The following RBMS3 variants were observed in gnomAD, a reference collection of about 807,000 sequenced individuals.
RBMS3 encodes RNA-binding motif, single-stranded-interacting protein 3.
In RBMS3, 27 loss-of-function variants were observed where a neutral mutation model predicts 66.8. That is an observed-to-expected ratio of 0.40 (90% CI 0.30 to 0.56). RBMS3 has a LOEUF of 0.56. Among genes scored for constraint, RBMS3 ranks in the 20% least tolerant of loss-of-function variants. RBMS3 has a pLI of 0.40. For synonymous variants in RBMS3, 188 were observed against 183.0 expected (o/e 1.03, Z -0.22); for missense variants, 513 against 549.5 (o/e 0.93, Z 0.66).
chr3:29,936,256 A>G, intron 11 of RBMS3, 60 bp downstream of exon 11: 2 of 1,420,992 alleles, frequency 1.4e-6, no homozygotes, highest in Non-Finnish European at 2.0e-6. Flanking sequence ...GATATTCTCC[A>G]TTTTTACTGG....
At position 29,400,713 on chromosome 3, in the gene RBMS3, G is replaced by A. The variant is rs147979974; in HGVS notation, c.76-34030G>A. ...GTGAAAATGGAAGTTGGAAATGACC[G>A]TGGGGATCAACAGGTTGAAAGGATC... On this transcript the variant is annotated intron_variant, in intron 1 of 14. Coordinates refer to ENST00000383767, the MANE Select transcript of RBMS3 (RefSeq NM_001003793.3). Among the ~76,000 whole-genome samples the A allele has an allele frequency of 8.2e-3, 1,253 of 152,160 alleles. 25 individuals carry two copies. The highest frequency in any genetic ancestry group is 0.027 in the African/African-American group (1,131 of 41,546).
intron 4 of RBMS3, among the ~76,000 whole-genome samples, chr3:29,601,605 A>G (rs2048146879): frequency 6.6e-6 from 1 of 152,038 alleles, no homozygotes; most frequent in South Asian, 2.1e-4. Context: ...AATATTGCCA[A>G]TAATCCTCGA....
intron 4 of RBMS3, among the ~76,000 whole-genome samples, chr3:29,726,487 T>C (rs1411078556): frequency 6.6e-6 from 1 of 152,176 alleles, no homozygotes; most frequent in Non-Finnish European, 1.5e-5. Context: ...AAACTCCTTA[T>C]GCTGATAAGC....
chr3:29,646,887 C>G (rs1372859532), intron 4 of RBMS3, among the ~76,000 whole-genome samples: 2 of 152,162 alleles, frequency 1.3e-5, no homozygotes, highest in Non-Finnish European at 2.9e-5. Context: ...AGTCAGCTAT[C>G]TTGCATATGT....
chr3:29,567,331 C>T (rs1029593048), intron 3 of RBMS3, among the ~76,000 whole-genome samples: 1 of 152,102 alleles, frequency 6.6e-6, no homozygotes, highest in African/African-American at 2.4e-5. Flanking sequence ...CTGTTCTTGG[C>T]ACTGGAGCCC....
At chr3:29,863,954 A>C (rs2059281788) in intron 6 of RBMS3, among the ~76,000 whole-genome samples, 1 of 152,190 alleles carries the variant, frequency 6.6e-6, no homozygotes, top group Non-Finnish European at 1.5e-5. Flanking sequence ...CAAATGTTTA[A>C]ATAAGGGAAT....
At chr3:29,721,837 C>G (rs2053655685) in intron 4 of RBMS3, among the ~76,000 whole-genome samples, 1 of 152,118 alleles carries the variant, frequency 6.6e-6, no homozygotes, top group Non-Finnish European at 1.5e-5. Flanking sequence ...TTACTATTGC[C>G]TATTGATGCC....
At chr3:29,756,901 T>C (rs1252023936) in intron 5 of RBMS3, among the ~76,000 whole-genome samples, 5 of 152,172 alleles carry the variant, frequency 3.3e-5, no homozygotes, top group African/African-American at 1.2e-4. Flanking sequence ...ACTACCCTCC[T>C]GGCATATATC....
chr3:29,857,233 G>T (rs1013782928), intron 6 of RBMS3, among the ~76,000 whole-genome samples: 5 of 152,202 alleles, frequency 3.3e-5, no homozygotes, highest in Admixed American at 3.3e-4. Context: ...AGGAAATTGA[G>T]ATGTGTTTTC....
chr3:29,967,205 A>G (rs968832396), intron 12 of RBMS3, among the ~76,000 whole-genome samples: 2 of 152,180 alleles, frequency 1.3e-5, no homozygotes, highest in African/African-American at 4.8e-5. Context: ...TGCTGTCTTC[A>G]TGGAATGAAT....
At chr3:29,993,858 G>C (rs1423545545) in intron 14 of RBMS3, among the ~76,000 whole-genome samples, 1 of 152,128 alleles carries the variant, frequency 6.6e-6, no homozygotes, top group Non-Finnish European at 1.5e-5. Flanking sequence ...TAGATCATGG[G>C]ACTTCTCAAT....
At chr3:29,957,819 T>C (rs775651710) in intron 12 of RBMS3, among the ~76,000 whole-genome samples, 7 of 152,192 alleles carry the variant, frequency 4.6e-5, no homozygotes, top group African/African-American at 7.2e-5. Context: ...ACGTACACCA[T>C]TGCAAACATA....
chr3:29,509,270 A>G (rs923444252), intron 3 of RBMS3, among the ~76,000 whole-genome samples: 5 of 152,176 alleles, frequency 3.3e-5, no homozygotes, highest in Admixed American at 6.5e-5. Flanking sequence ...ACCATACCTA[A>G]TTATTTACAT....
chr3:29,515,320 T>G (rs2044578481), intron 3 of RBMS3, among the ~76,000 whole-genome samples: 1 of 152,216 alleles, frequency 6.6e-6, no homozygotes, highest in Non-Finnish European at 1.5e-5. Flanking sequence ...CAAAGTGCAG[T>G]GCTTGCATAA....
At chr3:29,535,648 A>G (rs2045523934) in intron 3 of RBMS3, among the ~76,000 whole-genome samples, 2 of 150,350 alleles carry the variant, frequency 1.3e-5, no homozygotes, top group African/African-American at 4.9e-5. Flanking sequence ...TGTAAGACCT[A>G]TAAAACAGAT....
intron 1 of RBMS3, among the ~76,000 whole-genome samples, chr3:29,422,599 T>C (rs1307798296): frequency 6.6e-6 from 1 of 152,036 alleles, no homozygotes; most frequent in African/African-American, 2.4e-5. Context: ...TTTCTTATTA[T>C]AAAAATTATA....
intron 10 of RBMS3, among the ~76,000 whole-genome samples, chr3:29,925,861 TA>T (rs924690642): frequency 6.6e-6 from 1 of 152,016 alleles, no homozygotes; most frequent in Non-Finnish European, 1.5e-5. Flanking sequence ...TCTATTAAAC[TA>T]AAAAAAATGT....
chr3:29,980,091 C>G (rs1427907798), intron 12 of RBMS3, among the ~76,000 whole-genome samples: 1 of 152,214 alleles, frequency 6.6e-6, no homozygotes, highest in Admixed American at 6.5e-5. Context: ...TCCTCTCTAG[C>G]ATCTGTTGTT....
intron 1 of RBMS3, among the ~76,000 whole-genome samples, chr3:29,294,791 A>G (rs146354971): frequency 1.0e-3 from 156 of 151,904 alleles, no homozygotes; most frequent in African/African-American, 3.6e-3. Flanking sequence ...TGTTTATTCA[A>G]AATCCAGGGT....
Sources: gnomAD v4.1 joint callset for allele counts (sites outside exome capture counted in the v4.1 genomes callset) on GRCh38, gnomAD v4.1.1 for gene constraint, MANE v1.5 for transcripts, NCBI Gene and HGNC (gene_info 2026-07-23, HGNC 2026-07-21) for gene names.